The following TMEM132B variants were observed in gnomAD, a reference collection of about 807,000 sequenced individuals.
TMEM132B encodes transmembrane protein 132B.
A neutral mutation model predicts 90.8 loss-of-function variants in TMEM132B; 18 were observed. The observed-to-expected ratio is 0.20, with a 90% CI of 0.14 to 0.29. TMEM132B has a LOEUF of 0.29. Ranked by LOEUF, TMEM132B falls within the 10% of genes least tolerant of loss-of-function variation. The probability of loss-of-function intolerance (pLI) is 1.00; values close to 1 mark genes in which losing one functional copy is unlikely to be tolerated. For missense variants in TMEM132B, 1,096 were observed against 1,326.8 expected (o/e 0.83, Z 2.70); for synonymous variants, 504 against 523.3 (o/e 0.96, Z 0.50).
At chr12:125,540,754 T>G (rs1348356726) in intron 4 of TMEM132B, among the ~76,000 whole-genome samples, 1 of 152,162 alleles carries the variant, frequency 6.6e-6, no homozygotes, top group African/African-American at 2.4e-5. Context: ...TACAGTCTGC[T>G]CTCCACGCAG....
intron 1 of TMEM132B, among the ~76,000 whole-genome samples, chr12:125,231,891 C>CCG (rs1555233033): frequency 6.6e-5 from 10 of 151,846 alleles, no homozygotes; most frequent in African/African-American, 2.4e-4. Flanking sequence ...GTGTCCCCCC[C>CCG]CCACCAAAAC....
intron 2 of TMEM132B, among the ~76,000 whole-genome samples, chr12:125,400,567 G>A (rs1424809377): frequency 6.6e-6 from 1 of 152,202 alleles, no homozygotes; most frequent in Non-Finnish European, 1.5e-5. Flanking sequence ...CATCTTGGCA[G>A]GCCAGGCTCC....
chr12:125,624,552 C>T (rs1886184019), intron 5 of TMEM132B, among the ~76,000 whole-genome samples: 1 of 152,018 alleles, frequency 6.6e-6, no homozygotes, highest in South Asian at 2.1e-4. Flanking sequence ...TTCCTCAAGC[C>T]CCAAGGTTCG....
chr12:125,564,017 A>G (rs1592995687), intron 4 of TMEM132B, among the ~76,000 whole-genome samples: 1 of 152,210 alleles, frequency 6.6e-6, no homozygotes, highest in Admixed American at 6.5e-5. Context: ...CCAAGTTTGC[A>G]GTAATTTGTT....
intron 5 of TMEM132B, among the ~76,000 whole-genome samples, chr12:125,642,020 G>T (rs1276514738): frequency 1.3e-5 from 2 of 152,128 alleles, no homozygotes; most frequent in South Asian, 4.2e-4. Flanking sequence ...AGCAGGGTTG[G>T]GGGGACTTCC....
At chr12:125,342,375 AC>A (rs1440945741) in intron 1 of TMEM132B, among the ~76,000 whole-genome samples, 1 of 151,748 alleles carries the variant, frequency 6.6e-6, no homozygotes, top group Admixed American at 6.6e-5. Context: ...AACTCCCCTC[AC>A]CCCGTGCCTC....
chr12:125,570,047 C>T (rs1884753867), intron 4 of TMEM132B, among the ~76,000 whole-genome samples: 1 of 152,046 alleles, frequency 6.6e-6, no homozygotes, highest in South Asian at 2.1e-4. Flanking sequence ...CCAGAAGATG[C>T]TCCTTATGTC....
intron 4 of TMEM132B, among the ~76,000 whole-genome samples, chr12:125,581,846 C>A (rs1284710911): frequency 6.6e-6 from 1 of 151,980 alleles, no homozygotes; most frequent in African/African-American, 2.4e-5. Context: ...GGTGAGTTCT[C>A]ATCTCAACTT....
chr12:125,448,711 T>C (rs183067333), intron 3 of TMEM132B, among the ~76,000 whole-genome samples: 1 of 152,302 alleles, frequency 6.6e-6, no homozygotes, highest in African/African-American at 2.4e-5. Flanking sequence ...CTGAGTCATA[T>C]GGTAAGTATA....
intron 4 of TMEM132B, among the ~76,000 whole-genome samples, chr12:125,532,308 A>G (rs927665493): frequency 6.6e-6 from 1 of 152,152 alleles, no homozygotes; most frequent in African/African-American, 2.4e-5. Context: ...AGACATGACA[A>G]ATTTTTAAAG....
In TMEM132B at chr12:125,420,823, G is replaced by A. The variant is rs11835025; in HGVS notation, c.1106+5146G>A. On this transcript the variant is annotated intron_variant, in intron 3 of 8. Transcript: ENST00000682704. ...CATGTCTTTGTGAATACATAAAACT[G>A]AATGCTTTTAACAGCATCCAAGTCA... 7.1e-3 allele frequency among the ~76,000 whole-genome samples: 1,074 copies of A among 152,240 alleles called. 16 individuals are homozygous for A. The highest frequency in any genetic ancestry group is 0.025 in the African/African-American group (1,032 of 41,556).
chr12:125,420,242 C>T lies in TMEM132B; in HGVS notation c.1106+4565C>T, dbSNP rs139461195. On this transcript the variant is annotated intron_variant, in intron 3 of 8. Coordinates refer to ENST00000682704, the MANE Select transcript of TMEM132B (RefSeq NM_001366854.1). Reference sequence around the variant, plus strand: ...ATCCCACATTTCCCTTCTGTACTGCCCTAGCAGAGGTTCTCCATTAGGGCT... The same window carrying T: ...ATCCCACATTTCCCTTCTGTACTGCTCTAGCAGAGGTTCTCCATTAGGGCT... 1.6e-4 allele frequency among the ~76,000 whole-genome samples: 25 copies of T among 152,374 alleles called. No homozygotes were observed. The East Asian group carries it at 4.8e-3, about 29-fold the overall frequency.
intron 3 of TMEM132B, among the ~76,000 whole-genome samples, chr12:125,471,569 G>T (rs969503786): frequency 4.6e-5 from 7 of 152,206 alleles, no homozygotes; most frequent in Admixed American, 4.6e-4. Context: ...TGGACGTCGG[G>T]TTGGTCTTTG....
intron 1 of TMEM132B, among the ~76,000 whole-genome samples, chr12:125,308,241 C>T (rs1377886651): frequency 6.6e-6 from 1 of 151,290 alleles, no homozygotes; most frequent in Non-Finnish European, 1.5e-5. Flanking sequence ...ATATACTTTA[C>T]ATAATATTTT....
intron 3 of TMEM132B, among the ~76,000 whole-genome samples, chr12:125,439,339 T>A (rs1011960216): frequency 1.3e-5 from 2 of 152,214 alleles, no homozygotes; most frequent in Non-Finnish European, 2.9e-5. Flanking sequence ...CAGCTCTGAT[T>A]TCTTTGAGCA....
intron 1 of TMEM132B, among the ~76,000 whole-genome samples, chr12:125,203,993 C>T (rs959317087): frequency 6.6e-6 from 1 of 152,254 alleles, no homozygotes; most frequent in Non-Finnish European, 1.5e-5. Flanking sequence ...AAAGGAATAA[C>T]AGATGCCCAA....
chr12:125,247,457 G>T (rs1433504189), intron 1 of TMEM132B, among the ~76,000 whole-genome samples: 1 of 152,222 alleles, frequency 6.6e-6, no homozygotes, highest in Admixed American at 6.5e-5. Context: ...CCCCTGCCAG[G>T]CCACTCCCGT....
intron 3 of TMEM132B, among the ~76,000 whole-genome samples, chr12:125,454,962 A>C (rs1393086797): frequency 6.6e-6 from 1 of 152,218 alleles, no homozygotes; most frequent in Admixed American, 6.5e-5. Context: ...TAAAAACTTA[A>C]AATACACCTC....
At chr12:125,274,784 G>A (rs760571855) in intron 1 of TMEM132B, among the ~76,000 whole-genome samples, 4 of 151,846 alleles carry the variant, frequency 2.6e-5, no homozygotes, top group Non-Finnish European at 4.4e-5. Context: ...TAGCTATGCC[G>A]TCTCTGATAA....
Sources: gnomAD v4.1 joint callset for allele counts (sites outside exome capture counted in the v4.1 genomes callset) on GRCh38, gnomAD v4.1.1 for gene constraint, MANE v1.5 for transcripts, NCBI Gene and HGNC (gene_info 2026-07-23, HGNC 2026-07-21) for gene names.